The following TMTC1 variants were observed in gnomAD, a reference collection of about 807,000 sequenced individuals.
TMTC1 encodes the protein protein O-mannosyl-transferase TMTC1.
TMTC1 carries 73 observed loss-of-function variants against 104.8 expected under a neutral mutation model. The ratio of observed to expected loss-of-function variants is 0.70; its 90% CI spans 0.58 to 0.85. The LOEUF is 0.85. Ranked by LOEUF, TMTC1 falls within the 40% of genes least tolerant of loss-of-function variation. The probability of loss-of-function intolerance (pLI) is 0.00; values close to 1 mark genes in which losing one functional copy is unlikely to be tolerated. For missense variants in TMTC1, 1,035 were observed against 1,096.1 expected, an observed-to-expected ratio of 0.94 and a Z score of 0.79; for synonymous variants, 434 against 428.7, an observed-to-expected ratio of 1.01 and a Z score of -0.15.
intron 9 of TMTC1, among the ~76,000 whole-genome samples, chr12:29,563,323 TGACA>T (rs1162025474): frequency 6.6e-6 from 1 of 152,214 alleles, no homozygotes; most frequent in Admixed American, 6.5e-5. Context: ...GGTTTCTGTG[TGACA>T]GATCAGTGTG....
intron 5 of TMTC1, among the ~76,000 whole-genome samples, chr12:29,667,393 T>A (rs1172343759): frequency 6.6e-6 from 1 of 152,226 alleles, no homozygotes; most frequent in Admixed American, 6.5e-5. Flanking sequence ...TGATAAATTT[T>A]CCTTCCAGAA....
intron 7 of TMTC1, among the ~76,000 whole-genome samples, chr12:29,596,243 G>A (rs1294977622): frequency 6.6e-6 from 1 of 152,192 alleles, no homozygotes; most frequent in South Asian, 2.1e-4. Flanking sequence ...CTGACCTCAA[G>A]TGGTCCACCC....
chr12:29,588,970 A>G (rs1405710606), intron 7 of TMTC1, among the ~76,000 whole-genome samples: 1 of 152,204 alleles, frequency 6.6e-6, no homozygotes, highest in Non-Finnish European at 1.5e-5. Flanking sequence ...CTATGCCAAA[A>G]GGAAAAAAAA....
chr12:29,664,071 C>T (rs1042322614), intron 5 of TMTC1, among the ~76,000 whole-genome samples: 1 of 150,194 alleles, frequency 6.7e-6, no homozygotes, highest in African/African-American at 2.4e-5. Flanking sequence ...CCTGTAGTCC[C>T]AGCTACTTGG....
rs1485633899 is a variant in TMTC1, at chr12:29,783,820, G to A, written c.-69C>T. On this transcript the variant is annotated 5_prime_UTR_variant, in exon 1 of 18. Transcript: ENST00000539277. The surrounding 1 kb of genome is among the most constrained non-coding windows in gnomAD (Gnocchi z 4.7). ...TGGCATCCTCCCCTACCGGGGCCCC[G>A]GCGGCGCGCGGCGTCTGCCCGGAGG... 7 of 1,098,718 alleles carry A rather than the reference G, an allele frequency of 6.4e-6. No homozygotes were observed. In the African/African-American group the frequency reaches 1.0e-4, roughly 16 times the overall value. 68.1% of individuals were successfully genotyped at this position (1,098,718 alleles called of 1,614,324 possible). A position where few individuals can be genotyped will look rare whatever the true frequency, so the allele number is the denominator to read the frequency against.
rs150129576 is a variant in TMTC1 at position 29,645,072 on chromosome 12, A to G, written c.939-11736T>C. ...TCAGGAGCAGTGACTATGTCTGTCTATAATTATTTCCCTAGCACTCAGGTC... is the reference window on the plus strand; with the variant it reads ...TCAGGAGCAGTGACTATGTCTGTCTGTAATTATTTCCCTAGCACTCAGGTC... On this transcript the variant is annotated intron_variant, in intron 5 of 17. Coordinates refer to ENST00000539277, the MANE Select transcript of TMTC1 (RefSeq NM_001193451.2). Among the ~76,000 whole-genome samples, 38 of 152,332 alleles carry G rather than the reference A, an allele frequency of 2.5e-4. 1 individual carries two copies. The highest frequency in any genetic ancestry group is 8.4e-4 in the African/African-American group (35 of 41,574).
chr12:29,553,782 G>A (rs563486696), intron 10 of TMTC1, among the ~76,000 whole-genome samples: 1 of 152,174 alleles, frequency 6.6e-6, no homozygotes, highest in African/African-American at 2.4e-5. Context: ...ACTAATTTAA[G>A]ATGTTAGCAG....
intron 7 of TMTC1, among the ~76,000 whole-genome samples, chr12:29,593,468 T>C (rs1186969624): frequency 1.3e-5 from 2 of 152,216 alleles, no homozygotes; most frequent in African/African-American, 2.4e-5. Context: ...AATTTCATTA[T>C]AAGTTTTTTA....
intron 5 of TMTC1, among the ~76,000 whole-genome samples, chr12:29,742,054 AG>A (rs977858698): frequency 4.6e-5 from 7 of 152,192 alleles, no homozygotes; most frequent in Non-Finnish European, 1.0e-4. Context: ...CATAGTCACA[AG>A]GAAAAATTAC....
intron 5 of TMTC1, among the ~76,000 whole-genome samples, chr12:29,708,968 C>T (rs1227300114): frequency 6.6e-6 from 1 of 152,040 alleles, no homozygotes; most frequent in Non-Finnish European, 1.5e-5. Flanking sequence ...ATTGTTTTGT[C>T]AAGAGAATAT....
intron 5 of TMTC1, among the ~76,000 whole-genome samples, chr12:29,670,480 T>C (rs1245680577): frequency 6.6e-6 from 1 of 152,164 alleles, no homozygotes; most frequent in Non-Finnish European, 1.5e-5. Context: ...GACAGGGGTG[T>C]CATAAATTCA....
At chr12:29,593,264 T>C (rs1336355895) in intron 7 of TMTC1, among the ~76,000 whole-genome samples, 3 of 152,156 alleles carry the variant, frequency 2.0e-5, no homozygotes, top group African/African-American at 7.2e-5. Flanking sequence ...GTGGAATAAA[T>C]GAAATAATGT....
chr12:29,664,861 A>G (rs1225650070), intron 5 of TMTC1, among the ~76,000 whole-genome samples: 1 of 152,232 alleles, frequency 6.6e-6, no homozygotes, highest in Non-Finnish European at 1.5e-5. Context: ...CAAGTTCTCC[A>G]TTCTTTTCCT....
chr12:29,550,022 G>A (rs971272136), intron 10 of TMTC1, among the ~76,000 whole-genome samples: 3 of 152,030 alleles, frequency 2.0e-5, no homozygotes, highest in Non-Finnish European at 4.4e-5. Flanking sequence ...AATAATCATA[G>A]ACATTACAAT....
At chr12:29,621,538 C>T (rs1043780442) in intron 6 of TMTC1, among the ~76,000 whole-genome samples, 1 of 152,202 alleles carries the variant, frequency 6.6e-6, no homozygotes, top group Non-Finnish European at 1.5e-5. Flanking sequence ...CTTGGTCTAT[C>T]CTACCGTATT....
chr12:29,604,980 T>C (rs1332561783), intron 6 of TMTC1, among the ~76,000 whole-genome samples: 1 of 152,196 alleles, frequency 6.6e-6, no homozygotes, highest in African/African-American at 2.4e-5. Flanking sequence ...AAGATTTTTA[T>C]GTCACTTATA....
At chr12:29,519,310 A>C (rs1391650323) in intron 12 of TMTC1, 9 of 152,200 alleles carry the variant, frequency 5.9e-5, no homozygotes, top group Non-Finnish European at 1.3e-4. Flanking sequence ...ATATTTAAAA[A>C]ACCACACACA....
At chr12:29,636,510 T>A (rs1938557006) in intron 5 of TMTC1, among the ~76,000 whole-genome samples, 1 of 152,134 alleles carries the variant, frequency 6.6e-6, no homozygotes, top group South Asian at 2.1e-4. Flanking sequence ...AATCTCAACA[T>A]AGTTATTTAC....
intron 11 of TMTC1, chr12:29,530,113 A>G (rs1347751457): frequency 6.6e-6 from 1 of 152,160 alleles, no homozygotes; most frequent in Non-Finnish European, 1.5e-5. Flanking sequence ...CAGGTACATG[A>G]CTTTCTTTCT....
Sources: gnomAD v4.1 joint callset for allele counts (sites outside exome capture counted in the v4.1 genomes callset) on GRCh38, gnomAD v4.1.1 for gene constraint, Gnocchi (gnomAD v3.1) non-coding constraint, MANE v1.5 for transcripts, NCBI Gene and HGNC (gene_info 2026-07-23, HGNC 2026-07-21) for gene names.